The following SMYD3 variants were observed in gnomAD, a reference collection of about 807,000 sequenced individuals.
SMYD3 encodes SET and MYND domain containing 3, also known as histone-lysine N-methyltransferase SMYD3.
Under a neutral mutation model 57.7 loss-of-function variants are expected in SMYD3, and 36 were observed. The observed-to-expected ratio is 0.62, with a 90% CI of 0.48 to 0.82. The LOEUF is 0.82. Ranked by LOEUF, SMYD3 falls within the 40% of genes least tolerant of loss-of-function variation. SMYD3 has a pLI of 0.00. For missense variants in SMYD3, 515 were observed against 538.8 expected, an observed-to-expected ratio of 0.96 and a Z score of 0.44; for synonymous variants, 211 against 195.0, an observed-to-expected ratio of 1.08 and a Z score of -0.68.
chr1:246,485,654 G>C (rs569966365), intron 1 of SMYD3, among the ~76,000 whole-genome samples: 1 of 152,064 alleles, frequency 6.6e-6, no homozygotes, highest in Non-Finnish European at 1.5e-5. Flanking sequence ...ATAGCTGGGG[G>C]TGGTGGTTCG....
intron 10 of SMYD3, among the ~76,000 whole-genome samples, chr1:245,830,395 G>A (rs1222524427): frequency 6.6e-6 from 1 of 152,160 alleles, no homozygotes; most frequent in Non-Finnish European, 1.5e-5. Flanking sequence ...TAGATCTTGT[G>A]AAACTTATTC....
chr1:246,488,312 A>C (rs771549024), intron 1 of SMYD3, among the ~76,000 whole-genome samples: 3 of 152,244 alleles, frequency 2.0e-5, no homozygotes, highest in Non-Finnish European at 4.4e-5. Flanking sequence ...AGAAAGGTCA[A>C]GTTCAAGAAA....
intron 2 of SMYD3, among the ~76,000 whole-genome samples, chr1:246,352,054 TTGA>T (rs1361852888): frequency 5.4e-5 from 8 of 148,372 alleles, no homozygotes; most frequent in African/African-American, 7.5e-5. Context: ...CAAGAATTGC[TTGA>T]ACCTGGGAGG....
At chr1:246,342,404 A>G (rs558534005) in intron 2 of SMYD3, among the ~76,000 whole-genome samples, 5 of 152,326 alleles carry the variant, frequency 3.3e-5, no homozygotes, top group African/African-American at 1.2e-4. Context: ...CTTGATAGCA[A>G]ATAAATAATG....
At chr1:246,102,580 CTT>C (rs2061034248) in intron 5 of SMYD3, among the ~76,000 whole-genome samples, 2 of 152,062 alleles carry the variant, frequency 1.3e-5, no homozygotes, top group Non-Finnish European at 2.9e-5. Flanking sequence ...GAATGTCTCT[CTT>C]GTTTTCACCG....
chr1:246,075,946 A>AG (rs1352004043), intron 5 of SMYD3, among the ~76,000 whole-genome samples: 1 of 151,562 alleles, frequency 6.6e-6, no homozygotes, highest in East Asian at 1.9e-4. Flanking sequence ...AGCAAGAAAA[A>AG]AAAAAAAAAA....
intron 5 of SMYD3, among the ~76,000 whole-genome samples, chr1:246,022,626 T>C (rs1238917855): frequency 6.6e-6 from 1 of 152,218 alleles, no homozygotes; most frequent in Non-Finnish European, 1.5e-5. Context: ...TAGGGCTGTA[T>C]CTATCAGCGT....
intron 10 of SMYD3, among the ~76,000 whole-genome samples, chr1:245,846,096 T>TG (rs973147309): frequency 2.7e-4 from 41 of 150,132 alleles, no homozygotes; most frequent in African/African-American, 2.5e-5. Context: ...ATGAATGGGG[T>TG]GGGGGGGAAG....
intron 1 of SMYD3, among the ~76,000 whole-genome samples, chr1:246,463,054 T>C (rs547705932): frequency 2.6e-5 from 4 of 151,720 alleles, no homozygotes; most frequent in East Asian, 1.9e-4. Context: ...ATGACTGCAA[T>C]GAGATTGAGA....
chr1:246,248,341 G>GT (rs34459354), intron 5 of SMYD3, among the ~76,000 whole-genome samples: 31,497 of 152,004 alleles, frequency 0.21, 3,973 homozygotes, highest in East Asian at 0.58. Context: ...CTCATTTTCG[G>GT]ATTTTGAAGG....
At chr1:246,313,091 G>C (rs34342077) in intron 5 of SMYD3, among the ~76,000 whole-genome samples, 22,952 of 151,790 alleles carry the variant, frequency 0.15, 2,162 homozygotes, top group East Asian at 0.39. Context: ...ATTTTTTGTA[G>C]AGATGGGTTT....
chr1:246,089,462 G>T (rs1271482778), intron 5 of SMYD3, among the ~76,000 whole-genome samples: 1 of 152,054 alleles, frequency 6.6e-6, no homozygotes. Context: ...ATTATTTTGG[G>T]AAAGGTGCAT....
intron 5 of SMYD3, among the ~76,000 whole-genome samples, chr1:246,074,913 T>TAC (rs60103366): frequency 0.038 from 5,691 of 148,386 alleles, 201 homozygotes; most frequent in African/African-American, 0.093. Context: ...GCTAAAGCAA[T>TAC]ACACACACAC....
At chr1:246,431,579 A>C (rs931435674) in intron 1 of SMYD3, among the ~76,000 whole-genome samples, 12 of 152,088 alleles carry the variant, frequency 7.9e-5, no homozygotes, top group Admixed American at 1.3e-4. Context: ...AAAATACAAA[A>C]ATCAGCCAGG....
At chr1:246,229,185 T>C (rs1046518379) in intron 5 of SMYD3, among the ~76,000 whole-genome samples, 1 of 152,330 alleles carries the variant, frequency 6.6e-6, no homozygotes, top group African/African-American at 2.4e-5. Flanking sequence ...AAATTTTCTT[T>C]GCTCACCTTC....
intron 1 of SMYD3, among the ~76,000 whole-genome samples, chr1:246,370,584 A>G (rs1035451580): frequency 6.6e-6 from 1 of 152,186 alleles, no homozygotes; most frequent in Non-Finnish European, 1.5e-5. Flanking sequence ...CTATGAGATA[A>G]TCTATATGGA....
In SMYD3 at chr1:245,862,918, T is replaced by C. The variant is rs186461419; in HGVS notation, c.901+881A>G. On this transcript the variant is annotated intron_variant, in intron 9 of 11. Transcript: ENST00000490107. ...TACCCAAGACTGCTAATAAACTCAG[T>C]GGGCTATTGATTCAAAATTATGTCC... 1.2e-4 allele frequency among the ~76,000 whole-genome samples: 18 copies of C among 152,334 alleles called. No individual in the cohort carries two copies. In the East Asian group the frequency reaches 3.3e-3, roughly 28 times the overall value.
At chr1:246,462,108 T>C (rs1374962174) in intron 1 of SMYD3, among the ~76,000 whole-genome samples, 10 of 152,228 alleles carry the variant, frequency 6.6e-5, no homozygotes, top group Admixed American at 6.5e-4. Context: ...GTTTGGTTTC[T>C]GAACACTTTT....
chr1:246,127,783 C>A (rs1017607369), intron 5 of SMYD3, among the ~76,000 whole-genome samples: 3 of 152,096 alleles, frequency 2.0e-5, no homozygotes, highest in African/African-American at 7.2e-5. Flanking sequence ...GTAATCCCAG[C>A]TACTCAGGAA....
Sources: allele counts gnomAD v4.1 joint callset (sites outside exome capture counted in the v4.1 genomes callset), GRCh38; gene constraint gnomAD v4.1.1; transcripts MANE v1.5; gene names NCBI Gene and HGNC (gene_info 2026-07-23, HGNC 2026-07-21).